Variants in KCNMB2 observed in about 807,000 individuals in gnomAD.
KCNMB2 encodes calcium-activated potassium channel subunit beta-2.
Under a neutral mutation model 24.5 loss-of-function variants are expected in KCNMB2, and 9 were observed. That is an observed-to-expected ratio of 0.37 (90% CI 0.22 to 0.64). The LOEUF is 0.64. Among genes scored for constraint, KCNMB2 ranks in the 30% least tolerant of loss-of-function variants. The probability of loss-of-function intolerance (pLI) is 0.63; values close to 1 mark genes in which losing one functional copy is unlikely to be tolerated. For missense variants in KCNMB2, 226 were observed against 284.3 expected, an observed-to-expected ratio of 0.79 and a Z score of 1.47; for synonymous variants, 109 against 104.4, an observed-to-expected ratio of 1.04 and a Z score of -0.27.
chr3:178,823,872 T>G (rs1271279291), intron 2 of KCNMB2, among the ~76,000 whole-genome samples: 2 of 152,030 alleles, frequency 1.3e-5, no homozygotes, highest in Non-Finnish European at 2.9e-5. Context: ...GAATGAAAAA[T>G]CTGAAGTTAT....
At position 178,554,293 on chromosome 3, in the gene KCNMB2, G is replaced by T. The variant is rs115247181; in HGVS notation, c.-68+17582G>T. ...TGCAGGTAAAATAATAACCTTCAGA[G>T]GATATGGTTGTAGATAAATTTGAAT... On this transcript the variant is annotated intron_variant, in intron 1 of 4. Coordinates refer to ENST00000452583, the MANE Select transcript of KCNMB2 (RefSeq NM_181361.3). Among the ~76,000 whole-genome samples, 1,146 of 152,284 alleles carry T rather than the reference G, an allele frequency of 7.5e-3. 16 individuals are homozygous for T. Among genetic ancestry groups the T allele is most frequent in the African/African-American group, 0.027 (1,103 of 41,546 alleles).
chr3:178,708,191 T>C (rs1722339789), intron 1 of KCNMB2, among the ~76,000 whole-genome samples: 1 of 152,172 alleles, frequency 6.6e-6, no homozygotes, highest in Non-Finnish European at 1.5e-5. Context: ...TTATCATACC[T>C]GCCCCCTTCT....
intron 1 of KCNMB2, among the ~76,000 whole-genome samples, chr3:178,744,762 A>G (rs989141238): frequency 6.6e-6 from 1 of 151,784 alleles, no homozygotes; most frequent in African/African-American, 2.4e-5. Context: ...AAGACCTGCA[A>G]TGAACCCAGG....
At chr3:178,719,585 A>G (rs985644907) in intron 1 of KCNMB2, among the ~76,000 whole-genome samples, 5 of 152,212 alleles carry the variant, frequency 3.3e-5, no homozygotes, top group Non-Finnish European at 5.9e-5. Context: ...GCTGAGGAAT[A>G]GTTATAATTT....
At chr3:178,682,810 A>G (rs968331750) in intron 1 of KCNMB2, among the ~76,000 whole-genome samples, 3 of 152,142 alleles carry the variant, frequency 2.0e-5, no homozygotes, top group South Asian at 2.1e-4. Flanking sequence ...CAAAACCACA[A>G]TGAGATACCA....
chr3:178,774,225 A>G (rs1252761627), intron 1 of KCNMB2, among the ~76,000 whole-genome samples: 1 of 152,160 alleles, frequency 6.6e-6, no homozygotes, highest in Non-Finnish European at 1.5e-5. Context: ...TAGCAGAGGA[A>G]TGGGGAGAGG....
At chr3:178,841,531 T>C (rs1715429472) in intron 4 of KCNMB2, 2 of 152,136 alleles carry the variant, frequency 1.3e-5, no homozygotes, top group Admixed American at 6.5e-5. Flanking sequence ...ATGAAAAAGG[T>C]TTAATTAACT....
chr3:178,807,391 T>C lies in KCNMB2; in HGVS notation c.-19T>C, dbSNP rs1158193025. 4.3e-6 allele frequency: 7 copies of C among 1,612,238 alleles called. No homozygotes were observed. In the South Asian group the frequency reaches 5.5e-5, roughly 13 times the overall value. ...CATCCACCATAAGGAAAGGAGACCC[T>C]GGACCAACATTCTCTAAGATGTTTA... On this transcript the variant is annotated 5_prime_UTR_variant, in exon 2 of 5. Coordinates refer to ENST00000452583, the MANE Select transcript of KCNMB2 (RefSeq NM_181361.3).
Position 178,557,476 on chromosome 3 carries a change from C to T in KCNMB2, c.-68+20765C>T, listed in dbSNP as rs575265197. On this transcript the variant is annotated intron_variant, in intron 1 of 4. Coordinates refer to ENST00000452583, the MANE Select transcript of KCNMB2 (RefSeq NM_181361.3). ...TTACATTGAGGGTGCAAAAGTAAGACTGGGCCATTAAAGAAATTTAAAGCA... is the reference window on the plus strand; with the variant it reads ...TTACATTGAGGGTGCAAAAGTAAGATTGGGCCATTAAAGAAATTTAAAGCA... 6.6e-5 allele frequency among the ~76,000 whole-genome samples: 10 copies of T among 152,238 alleles called. No homozygotes were observed. The South Asian group carries it at 1.9e-3, about 28-fold the overall frequency.
At chr3:178,753,596 C>A (rs1342362465) in intron 1 of KCNMB2, among the ~76,000 whole-genome samples, 2 of 152,020 alleles carry the variant, frequency 1.3e-5, no homozygotes, top group African/African-American at 4.8e-5. Flanking sequence ...AAAAGAGTTT[C>A]TCTTATGAAG....
chr3:178,561,062 A>G (rs973818300), intron 1 of KCNMB2, among the ~76,000 whole-genome samples: 13 of 152,214 alleles, frequency 8.5e-5, no homozygotes, highest in African/African-American at 2.9e-4. Context: ...ATAATGCCAC[A>G]CTCAGAGTGG....
intron 1 of KCNMB2, among the ~76,000 whole-genome samples, chr3:178,543,514 T>G (rs1429552692): frequency 6.6e-6 from 1 of 152,206 alleles, no homozygotes; most frequent in Non-Finnish European, 1.5e-5. Context: ...GATTTAGCAT[T>G]AATTTTTGAA....
At chr3:178,835,013 T>C (rs941903876) in intron 4 of KCNMB2, among the ~76,000 whole-genome samples, 3 of 151,942 alleles carry the variant, frequency 2.0e-5, no homozygotes, top group Non-Finnish European at 2.9e-5. Flanking sequence ...ACTAATTGGA[T>C]ACATCAGAAT....
chr3:178,659,511 T>C (rs921394334), intron 1 of KCNMB2, among the ~76,000 whole-genome samples: 2 of 152,232 alleles, frequency 1.3e-5, no homozygotes, highest in African/African-American at 4.8e-5. Flanking sequence ...ATGATATATT[T>C]TCTGGTACAA....
At chr3:178,687,751 T>C (rs1039608901) in intron 1 of KCNMB2, among the ~76,000 whole-genome samples, 6 of 152,162 alleles carry the variant, frequency 3.9e-5, no homozygotes, top group African/African-American at 1.2e-4. Flanking sequence ...TTTAGTACTT[T>C]CATTATTTTT....
chr3:178,571,235 C>T (rs544511403), intron 1 of KCNMB2, among the ~76,000 whole-genome samples: 33 of 151,340 alleles, frequency 2.2e-4, no homozygotes, highest in Non-Finnish European at 3.1e-4. Flanking sequence ...TCAAGCTTCA[C>T]GGCTTTCCCT....
chr3:178,737,001 G>A lies in KCNMB2; in HGVS notation c.-67-70342G>A, dbSNP rs539041397. On this transcript the variant is annotated intron_variant, in intron 1 of 4. Coordinates refer to ENST00000452583, the MANE Select transcript of KCNMB2 (RefSeq NM_181361.3). ...AATAGCATTATGGGCCAGACACAGC[G>A]GCTCATGCCTGTAATCCCAACACTT... Among the ~76,000 whole-genome samples the A allele has an allele frequency of 3.6e-4, 55 of 152,290 alleles. 1 individual carries two copies. The highest frequency in any genetic ancestry group is 1.3e-3 in the African/African-American group (52 of 41,544).
chr3:178,733,714 C>T (rs1423861661), intron 1 of KCNMB2, among the ~76,000 whole-genome samples: 3 of 152,016 alleles, frequency 2.0e-5, no homozygotes, highest in Admixed American at 2.0e-4. Flanking sequence ...CTCCTGACCT[C>T]GTGATCCACC....
At chr3:178,817,531 G>A (rs1714457747) in intron 2 of KCNMB2, among the ~76,000 whole-genome samples, 1 of 152,126 alleles carries the variant, frequency 6.6e-6, no homozygotes, top group South Asian at 2.1e-4. Flanking sequence ...TTCTCGTGGG[G>A]CAGAGATGTA....
Sources: gnomAD v4.1 joint callset for allele counts (sites outside exome capture counted in the v4.1 genomes callset) on GRCh38, gnomAD v4.1.1 for gene constraint, MANE v1.5 for transcripts, NCBI Gene and HGNC (gene_info 2026-07-23, HGNC 2026-07-21) for gene names.